Variants in ANKRD31 observed in about 807,000 individuals in gnomAD.
ANKRD31 encodes ankyrin repeat domain-containing protein 31.
In ANKRD31, 147 loss-of-function variants were observed where a neutral mutation model predicts 186.0. The ratio of observed to expected loss-of-function variants is 0.79; its 90% CI spans 0.69 to 0.91. The LOEUF (loss-of-function observed/expected upper bound fraction) is 0.91, where lower values mean the gene tolerates loss of function less well. Ranked by LOEUF, ANKRD31 falls within the 40% of genes least tolerant of loss-of-function variation. The probability of loss-of-function intolerance (pLI) is 0.00; values close to 1 mark genes in which losing one functional copy is unlikely to be tolerated. For missense variants in ANKRD31, 1,986 were observed against 2,148.8 expected (o/e 0.92, Z 1.50); for synonymous variants, 673 against 736.4 (o/e 0.91, Z 1.39).
intron 10 of ANKRD31, among the ~76,000 whole-genome samples, chr5:75,174,942 T>C (rs572132843): frequency 2.6e-5 from 4 of 152,196 alleles, no homozygotes; most frequent in African/African-American, 9.6e-5. Context: ...ATGTTTTTTG[T>C]GGCACTATTC....
rs768961603 is a variant in ANKRD31 at position 75,116,649 on chromosome 5, T to C, written c.4072A>G (p.Lys1358Glu). ...KIPAVRSKRH[K>E]QCFCDDGKTI... Reference sequence around the variant, plus strand: ...TTGCCATCATCACAAAAACACTGTTTATGTCTTTTAGACCGGACAGCAGGA... The same window carrying C: ...TTGCCATCATCACAAAAACACTGTTCATGTCTTTTAGACCGGACAGCAGGA... Residue 1358 changes from lysine (K) to glutamate (E), a missense_variant, in exon 19 of 26, where the codon AAA (lysine) becomes GAA (glutamate). Lys to Glu is a moderately conservative substitution (Grantham distance 56). Transcript: ENST00000506364. 1 of 1,448,398 alleles carries C rather than the reference T, an allele frequency of 6.9e-7. No homozygotes were observed. The highest frequency in any genetic ancestry group is 1.5e-5 in the South Asian group (1 of 66,000). 89.7% of individuals were successfully genotyped at this position (1,448,398 alleles called of 1,614,324 possible). A position where few individuals can be genotyped will look rare whatever the true frequency, so the allele number is the denominator to read the frequency against.
Position 75,229,864 on chromosome 5 carries a change from C to CAAA in ANKRD31, c.178+695_178+697dup, listed in dbSNP as rs1210080751. 1.0e-3 allele frequency among the ~76,000 whole-genome samples: 39 copies of CAAA among 37,798 alleles called. 1 individual carries two copies. Among genetic ancestry groups the CAAA allele is most frequent in the African/African-American group, 3.0e-3 (26 of 8,760 alleles). 24.8% of individuals were successfully genotyped at this position (37,798 alleles called of 152,430 possible). On this transcript the variant is annotated intron_variant, in intron 2 of 25. Transcript: ENST00000506364. ...TGGGCGACAGAGTGAGACTCTGTCTCAAAAAAAAAAAAAAAAAAAAAAACA... is the reference window on the plus strand; with the variant it reads ...TGGGCGACAGAGTGAGACTCTGTCTCAAAAAAAAAAAAAAAAAAAAAAAAAACA...
At chr5:75,126,710 C>A (rs1385183070) in intron 17 of ANKRD31, among the ~76,000 whole-genome samples, 1 of 152,052 alleles carries the variant, frequency 6.6e-6, no homozygotes, top group African/African-American at 2.4e-5. Context: ...GATAGAAAAT[C>A]TATTTAATGA....
At chr5:75,227,118 T>C (rs1463271401) in intron 2 of ANKRD31, among the ~76,000 whole-genome samples, 1 of 152,118 alleles carries the variant, frequency 6.6e-6, no homozygotes, top group Non-Finnish European at 1.5e-5. Flanking sequence ...AAGAATGAGA[T>C]TCTGTCATTT....
chr5:75,082,652 T>A (rs1285366189), intron 24 of ANKRD31, among the ~76,000 whole-genome samples: 1 of 152,222 alleles, frequency 6.6e-6, no homozygotes, highest in Non-Finnish European at 1.5e-5. Flanking sequence ...TTTTAATGCT[T>A]ATTTTTAGAA....
At position 75,193,431 on chromosome 5, in the gene ANKRD31, A is replaced by C; in HGVS notation, c.1178T>G (p.Leu393Arg). The C allele has an allele frequency of 6.5e-7, 1 of 1,537,272 alleles. No individual in the cohort carries two copies. The highest frequency in any genetic ancestry group is 8.7e-7 in the Non-Finnish European group (1 of 1,146,814). ...GTACTTTGCATCTCTGCTTACTTTC[A>C]GTTTTTCTAGTCTGGATGATCTCCT... ...VLRRSSRLEK[L>R]KVSRDAKYSD... The change falls in exon 8 of 26, where the codon CTG becomes CGG. Residue 393 changes from leucine (L) to arginine (R), a missense_variant. Leu to Arg is a moderately radical substitution (Grantham distance 102). Transcript: ENST00000506364.
At chr5:75,216,279 T>C (rs941577552) in intron 3 of ANKRD31, among the ~76,000 whole-genome samples, 2 of 152,158 alleles carry the variant, frequency 1.3e-5, no homozygotes, top group African/African-American at 4.8e-5. Flanking sequence ...TGGAAGGCTT[T>C]TGAAAACTGA....
intron 13 of ANKRD31, among the ~76,000 whole-genome samples, chr5:75,148,300 C>T (rs1415692126): frequency 2.0e-5 from 3 of 151,768 alleles, no homozygotes; most frequent in African/African-American, 4.8e-5. Context: ...CTGTACTATG[C>T]TTAGGCCACA....
chr5:75,107,703 T>C, intron 20 of ANKRD31, 86 bp from the exon 21 acceptor site: 1 of 755,400 alleles, frequency 1.3e-6, no homozygotes, highest in South Asian at 1.9e-5. Context: ...TATTGTTAAT[T>C]TTAAAAAGCG....
At position 75,154,248 on chromosome 5, in the gene ANKRD31, C is replaced by T. The variant is rs140393541; in HGVS notation, c.1805G>A (p.Arg602His). 3.0e-4 allele frequency: 456 copies of T among 1,533,978 alleles called. 3 individuals are homozygous for T. The African/African-American group carries it at 3.5e-3, about 12-fold the overall frequency. ...LDEAKDLCMK[R>H]LLERYIPKHQ... The stretch of plus-strand genomic sequence containing the variant: ...TTTAGGGATATATCTCTCAAGGAGA[C>T]GCTTCATACATAAATCCTTGGCCTC... Residue 602 changes from arginine to histidine, a missense_variant, in exon 12 of 26, where the codon CGT (arginine) becomes CAT (histidine). By Grantham distance (29) the Arg-to-His change is conservative. Transcript: ENST00000506364.
intron 24 of ANKRD31, among the ~76,000 whole-genome samples, chr5:75,083,749 G>T (rs1043981156): frequency 2.5e-4 from 38 of 151,916 alleles, no homozygotes. Flanking sequence ...AAAAAAGTTG[G>T]GGGGGAAGCA....
chr5:75,142,817 T>C (rs1751148982), intron 15 of ANKRD31, among the ~76,000 whole-genome samples: 1 of 152,158 alleles, frequency 6.6e-6, no homozygotes, highest in Non-Finnish European at 1.5e-5. Flanking sequence ...TTCTTACCTC[T>C]GGAGCAGTTC....
intron 5 of ANKRD31, among the ~76,000 whole-genome samples, chr5:75,200,251 G>A (rs1175099258): frequency 6.6e-6 from 1 of 150,878 alleles, no homozygotes; most frequent in African/African-American, 2.4e-5. Flanking sequence ...GGAGGATCTG[G>A]AAAAAAGATA....
At chr5:75,135,359 C>T (rs550269369) in intron 17 of ANKRD31, among the ~76,000 whole-genome samples, 3 of 152,172 alleles carry the variant, frequency 2.0e-5, no homozygotes, top group South Asian at 2.1e-4. Flanking sequence ...ACAGGCATTC[C>T]TATACACCAA....
chr5:75,134,712 C>CA (rs1436018140), intron 17 of ANKRD31, among the ~76,000 whole-genome samples: 1 of 151,856 alleles, frequency 6.6e-6, no homozygotes, highest in East Asian at 1.9e-4. Context: ...CTCTACACAA[C>CA]AAAAAAAGAG....
At chr5:75,177,368 A>G (rs1451816609) in intron 10 of ANKRD31, among the ~76,000 whole-genome samples, 1 of 152,218 alleles carries the variant, frequency 6.6e-6, no homozygotes, top group African/African-American at 2.4e-5. Flanking sequence ...ATTCAAATTC[A>G]GGAAATACAG....
rs1404659457 is a variant in ANKRD31, at chr5:75,230,547, A to G, written c.178+15T>C. 1.3e-6 allele frequency: 2 copies of G among 1,527,686 alleles called. No individual in the cohort carries two copies. The highest frequency in any genetic ancestry group is 1.8e-6 in the Non-Finnish European group (2 of 1,138,932). 94.6% of individuals were successfully genotyped at this position (1,527,686 alleles called of 1,614,324 possible). A position where few individuals can be genotyped will look rare whatever the true frequency, so the allele number is the denominator to read the frequency against. On this transcript the variant is annotated intron_variant, in intron 2 of 25. Transcript: ENST00000506364. ...GAAACTAAAGGGACTACTTAATGAA[A>G]AGAATCATTCTCACCTTTGCACATT...
intron 24 of ANKRD31, among the ~76,000 whole-genome samples, chr5:75,081,033 A>G (rs1217423912): frequency 6.6e-6 from 1 of 152,100 alleles, no homozygotes; most frequent in Non-Finnish European, 1.5e-5. Flanking sequence ...TTTTTCTTGT[A>G]ATAGGGTTAG....
intron 21 of ANKRD31, among the ~76,000 whole-genome samples, chr5:75,106,019 T>G (rs1747304124): frequency 6.6e-6 from 1 of 152,182 alleles, no homozygotes; most frequent in Non-Finnish European, 1.5e-5. Context: ...CTACTTGTAC[T>G]CTTCAAAATT....
Sources: allele counts gnomAD v4.1 joint callset (sites outside exome capture counted in the v4.1 genomes callset), GRCh38; gene constraint gnomAD v4.1.1; transcripts MANE v1.5; gene names NCBI Gene and HGNC (gene_info 2026-07-23, HGNC 2026-07-21).